NDC80: variants seen among roughly 807,000 people sequenced by gnomAD.
NDC80 encodes the protein kinetochore protein NDC80 homolog.
A neutral mutation model predicts 89.3 loss-of-function variants in NDC80; 69 were observed. The ratio of observed to expected loss-of-function variants is 0.77; its 90% CI spans 0.64 to 0.94. NDC80 has a LOEUF of 0.94. Among genes scored for constraint, NDC80 ranks in the 40% least tolerant of loss-of-function variants. NDC80 has a pLI of 0.00. For synonymous variants in NDC80, 243 were observed against 255.6 expected (o/e 0.95, Z 0.47); for missense variants, 593 against 739.6 (o/e 0.80, Z 2.30).
chr18:2,577,990 G>A lies in NDC80; in HGVS notation c.325G>A (p.Ala109Thr), dbSNP rs1238242710. 6.2e-7 allele frequency: 1 copy of A among 1,613,516 alleles called. No homozygotes were observed. The highest frequency in any genetic ancestry group is 8.5e-7 in the Non-Finnish European group (1 of 1,179,902). The change falls in exon 5 of 17, where the codon GCA (alanine) becomes ACA (threonine). Residue 109 changes from alanine (A) to threonine (T), a missense_variant. By Grantham distance (58) the Ala-to-Thr change is moderately conservative. Coordinates refer to ENST00000261597, the MANE Select transcript of NDC80 (RefSeq NM_006101.3). ...GTAGTTTCTTACAGAAAATGGTTAT[G>A]CACATAATGTGTCCATGAAATCTCT... is the stretch of plus-strand genomic sequence containing the variant. ...LCEFLTENGY[A>T]HNVSMKSLQA...
chr18:2,592,337 A>G (rs115699971), intron 10 of NDC80, among the ~76,000 whole-genome samples: 1,701 of 149,584 alleles, frequency 0.011, 27 homozygotes, highest in African/African-American at 0.039. Context: ...TTTAAATTTT[A>G]TTTTGTTTTT....
chr18:2,589,333 T>G, intron 9 of NDC80, 23 bp downstream of exon 9: 1 of 1,516,568 alleles, frequency 6.6e-7, no homozygotes, highest in Non-Finnish European at 9.1e-7. Context: ...GTTTACACAC[T>G]TACTTGAGAG....
intron 16 of NDC80, among the ~76,000 whole-genome samples, chr18:2,615,958 G>A (rs940922804): frequency 3.3e-5 from 5 of 152,088 alleles, no homozygotes; most frequent in Non-Finnish European, 7.4e-5. Context: ...ATATCTTGGG[G>A]AGAAAAAAGA....
intron 14 of NDC80, 92 bp downstream of exon 14, chr18:2,606,599 T>G (rs200139374): frequency 5.1e-6 from 1 of 196,896 alleles, no homozygotes; most frequent in Non-Finnish European, 8.2e-6. Context: ...ATCAAAATCT[T>G]TAAGCTATAT....
chr18:2,605,274 A>ATGTGTGTGTGTGTGTGTGTG (rs60324126), intron 13 of NDC80, among the ~76,000 whole-genome samples: 1 of 127,178 alleles, frequency 7.9e-6, no homozygotes, highest in African/African-American at 3.1e-5. Flanking sequence ...GGCTATATGT[A>ATGTGTGTGTGTGTGTGTGTG]TGTGTGTGTG....
intron 6 of NDC80, among the ~76,000 whole-genome samples, chr18:2,583,817 G>A (rs9957981): frequency 0.063 from 9,617 of 152,190 alleles, 332 homozygotes; most frequent in African/African-American, 0.082. Flanking sequence ...TCTTCTGAAT[G>A]CCTTTAGAAT....
chr18:2,597,210 AT>A (rs1037443273), intron 11 of NDC80, among the ~76,000 whole-genome samples: 70 of 151,604 alleles, frequency 4.6e-4, no homozygotes, highest in Middle Eastern at 3.4e-3. Context: ...ATAAAATAAA[AT>A]AAAATAGCAA....
chr18:2,581,525 T>A (rs899106988), intron 6 of NDC80, among the ~76,000 whole-genome samples: 2 of 152,114 alleles, frequency 1.3e-5, no homozygotes, highest in Non-Finnish European at 1.5e-5. Flanking sequence ...TAGCCGGGTG[T>A]GATGGTGCAT....
chr18:2,613,519 A>G (rs2072756193), intron 16 of NDC80, among the ~76,000 whole-genome samples: 1 of 152,248 alleles, frequency 6.6e-6, no homozygotes. Context: ...AGTATTTCAG[A>G]ATAGTTGGAT....
chr18:2,596,026 A>C (rs1262836086), intron 11 of NDC80, among the ~76,000 whole-genome samples: 2 of 152,234 alleles, frequency 1.3e-5, no homozygotes, highest in Non-Finnish European at 2.9e-5. Flanking sequence ...TTTCCCCTCA[A>C]AAACTTCCAA....
chr18:2,588,270 C>G (rs1338096601), intron 8 of NDC80, among the ~76,000 whole-genome samples: 2 of 152,182 alleles, frequency 1.3e-5, no homozygotes, highest in Non-Finnish European at 2.9e-5. Context: ...TGCTATTCCT[C>G]TTGGGGGATA....
At chr18:2,614,324 C>G (rs1253636431) in intron 16 of NDC80, 1 of 155,976 alleles carries the variant, frequency 6.4e-6, no homozygotes, top group Non-Finnish European at 1.4e-5. Context: ...GTAATCCCAG[C>G]TACTTAGGAG....
At chr18:2,596,026 A>G (rs1262836086) in intron 11 of NDC80, among the ~76,000 whole-genome samples, 1 of 152,234 alleles carries the variant, frequency 6.6e-6, no homozygotes, top group Admixed American at 6.5e-5. Flanking sequence ...TTTCCCCTCA[A>G]AAACTTCCAA....
intron 11 of NDC80, among the ~76,000 whole-genome samples, chr18:2,598,693 G>A (rs1480109830): frequency 6.6e-6 from 1 of 151,934 alleles, no homozygotes; most frequent in Admixed American, 6.6e-5. Flanking sequence ...TACATGTTTC[G>A]TAATTTCTTT....
intron 15 of NDC80, among the ~76,000 whole-genome samples, chr18:2,609,444 C>A (rs930892349): frequency 3.3e-5 from 5 of 152,082 alleles, no homozygotes; most frequent in African/African-American, 4.8e-5. Context: ...AGGAGAATCA[C>A]TTGAGAAGTT....
intron 11 of NDC80, 30 bp from the exon 12 acceptor site, chr18:2,598,989 T>G (rs2072670781): frequency 6.6e-7 from 1 of 1,510,072 alleles, no homozygotes; most frequent in Non-Finnish European, 8.9e-7. Context: ...GGGGCTGCTT[T>G]AACATGTCTT....
intron 13 of NDC80, among the ~76,000 whole-genome samples, chr18:2,605,931 TG>T (rs1195159641): frequency 1.3e-5 from 2 of 152,278 alleles, no homozygotes; most frequent in East Asian, 3.9e-4. Flanking sequence ...CAAGATTAAA[TG>T]TGGTTACCTT....
At position 2,573,015 on chromosome 18, in the gene NDC80, T is replaced by C. The variant is rs1455147784; in HGVS notation, c.30T>C (p.Gly10=). The change falls in exon 2 of 17, where the codon GGT becomes GGC. Residue 10 remains glycine (G), a synonymous_variant. Coordinates refer to ENST00000261597, the MANE Select transcript of NDC80 (RefSeq NM_006101.3). The stretch of plus-strand genomic sequence containing the variant: ...AGCGCAGTTCAGTTTCCAGCGGTGG[T>C]GCTGGCCGCCTCTCCATGCAGGAGT... MKRSSVSSG[G]AGRLSMQELR... 6.2e-7 allele frequency: 1 copy of C among 1,614,130 alleles called. No homozygotes were observed. The highest frequency in any genetic ancestry group is 2.2e-5 in the East Asian group (1 of 44,884).
At chr18:2,605,463 A>G (rs8088515) in intron 13 of NDC80, among the ~76,000 whole-genome samples, 124,117 of 152,138 alleles carry the variant, frequency 0.82, 51,032 homozygotes, top group East Asian at 0.96. Context: ...CAACCATGAG[A>G]ATCAGTGGAA....
Sources: gnomAD v4.1 joint callset for allele counts (sites outside exome capture counted in the v4.1 genomes callset) on GRCh38, gnomAD v4.1.1 for gene constraint, MANE v1.5 for transcripts, NCBI Gene and HGNC (gene_info 2026-07-23, HGNC 2026-07-21) for gene names.